PPIP5K1: variants seen among roughly 807,000 people sequenced by gnomAD.
PPIP5K1 encodes the protein inositol hexakisphosphate and diphosphoinositol-pentakisphosphate kinase 1.
Under a neutral mutation model 27.7 loss-of-function variants are expected in PPIP5K1, and 6 were observed. That is an observed-to-expected ratio of 0.22 (90% CI 0.12 to 0.43). The LOEUF (loss-of-function observed/expected upper bound fraction) is 0.43. Ranked by LOEUF, PPIP5K1 falls within the 20% of genes least tolerant of loss-of-function variation. The pLI is 1.00. For missense variants in PPIP5K1, 394 were observed against 635.4 expected (o/e 0.62, Z 4.08); for synonymous variants, 145 against 242.6 (o/e 0.60, Z 3.74).
chr15:43,538,235 AT>A (rs2080170510), intron 31 of PPIP5K1, among the ~76,000 whole-genome samples: 1 of 152,196 alleles, frequency 6.6e-6, no homozygotes, highest in African/African-American at 2.4e-5. Flanking sequence ...TGAAAGGCAT[AT>A]TTGATTTCAG....
intron 30 of PPIP5K1, among the ~76,000 whole-genome samples, chr15:43,554,660 C>CACAT (rs56332624): frequency 6.6e-6 from 1 of 151,312 alleles, no homozygotes; most frequent in African/African-American, 2.4e-5. Context: ...CACACACACA[C>CACAT]GCAGGCACGC....
At chr15:43,547,569 T>C (rs1223988656) in intron 30 of PPIP5K1, among the ~76,000 whole-genome samples, 2 of 152,244 alleles carry the variant, frequency 1.3e-5, no homozygotes, top group Admixed American at 6.5e-5. Context: ...TCTTTTGCAA[T>C]GTGAATACCT....
chr15:43,552,694 C>T (rs1406085737), intron 30 of PPIP5K1, among the ~76,000 whole-genome samples: 3 of 150,530 alleles, frequency 2.0e-5, no homozygotes, highest in African/African-American at 4.9e-5. Flanking sequence ...GAGTGAGACC[C>T]TGTCTCAAAA....
chr15:43,542,740 G>A (rs1402377092), intron 30 of PPIP5K1, among the ~76,000 whole-genome samples: 3 of 150,736 alleles, frequency 2.0e-5, no homozygotes, highest in Non-Finnish European at 4.4e-5. Context: ...GGAATGCAGT[G>A]ATGCTAGCAC....
chr15:43,551,918 G>A (rs892038128), intron 30 of PPIP5K1, among the ~76,000 whole-genome samples: 2 of 151,402 alleles, frequency 1.3e-5, no homozygotes. Flanking sequence ...TGCTTTTTGA[G>A]TTTAGTTTAC....
intron 30 of PPIP5K1, among the ~76,000 whole-genome samples, chr15:43,542,309 G>T (rs866576809): frequency 4.0e-5 from 6 of 151,190 alleles, no homozygotes; most frequent in East Asian, 1.9e-4. Context: ...GGCGGGGGGG[G>T]GGGGCAGAGT....
Position 43,534,342 on chromosome 15 carries a change from G to A in PPIP5K1, c.*332C>T. ...CTATTCAAGTCTAATGGCTAAGTGA[G>A]GAGCCAATGGCTTCTTCGAACCTAA... On this transcript the variant is annotated 3_prime_UTR_variant, in exon 32 of 32. Transcript: ENST00000420765. 2 of 212,024 alleles carry A rather than the reference G, an allele frequency of 9.4e-6. No homozygotes were observed. The highest frequency in any genetic ancestry group is 1.7e-4 in the South Asian group (1 of 5,870). 13.1% of individuals were successfully genotyped at this position (212,024 alleles called of 1,614,324 possible).
chr15:43,542,697 T>TGTGTGTGTGTGTG (rs1555423152), intron 30 of PPIP5K1, among the ~76,000 whole-genome samples: 2 of 148,312 alleles, frequency 1.3e-5, no homozygotes, highest in South Asian at 2.2e-4. Flanking sequence ...TGTGTGTGTG[T>TGTGTGTGTGTGTG]TTTAGAGACA....
intron 31 of PPIP5K1, among the ~76,000 whole-genome samples, chr15:43,537,072 C>T (rs2079958545): frequency 1.3e-5 from 2 of 151,878 alleles, no homozygotes; most frequent in African/African-American, 4.8e-5. Context: ...CACGGTGGCT[C>T]ATACTTGTAA....
intron 30 of PPIP5K1, among the ~76,000 whole-genome samples, chr15:43,546,579 T>A (rs969275680): frequency 6.7e-6 from 1 of 149,446 alleles, no homozygotes; most frequent in African/African-American, 2.5e-5. Flanking sequence ...GTGTGAGCCA[T>A]CATCCTCAGC....
Position 43,558,896 on chromosome 15 carries a change from G to T in PPIP5K1, c.3455C>A (p.Pro1152His). ...EGCSMVPTIYPLETLHNALSL... is the reference protein window; with the variant it reads ...EGCSMVPTIYHLETLHNALSL... ...AAGGGCATTATGCAGTGTTTCCAGA[G>T]GGTAGATGGTAGGCACCATGGAACA... Residue 1152 changes from proline to histidine, a missense_variant, in exon 30 of 32, where the codon CCT becomes CAT. Coordinates refer to ENST00000420765, the MANE Select transcript of PPIP5K1 (RefSeq NM_001394395.1). 1 of 1,613,788 alleles carries T rather than the reference G, an allele frequency of 6.2e-7. No individual in the cohort carries two copies. The highest frequency in any genetic ancestry group is 8.5e-7 in the Non-Finnish European group (1 of 1,179,960).
At chr15:43,554,258 A>G (rs562537296) in intron 30 of PPIP5K1, among the ~76,000 whole-genome samples, 1 of 152,286 alleles carries the variant, frequency 6.6e-6, no homozygotes, top group Admixed American at 6.5e-5. Flanking sequence ...GTATGTGTTT[A>G]TAATTGTTTT....
intron 30 of PPIP5K1, chr15:43,548,262 C>T (rs1432332083): frequency 6.6e-6 from 1 of 151,900 alleles, no homozygotes; most frequent in African/African-American, 2.4e-5. Flanking sequence ...CTGTGCCTGG[C>T]TATTTTTTTT....
chr15:43,567,392 A>ATTTTT (rs1438494718), intron 26 of PPIP5K1, among the ~76,000 whole-genome samples: 312 of 6,246 alleles, frequency 0.05, no homozygotes, highest in Middle Eastern at 0.071. Context: ...TGCTGGGATT[A>ATTTTT]TAGGCATGAG....
chr15:43,553,626 T>A (rs1305005400), intron 30 of PPIP5K1, among the ~76,000 whole-genome samples: 1 of 150,118 alleles, frequency 6.7e-6, no homozygotes, highest in Non-Finnish European at 1.5e-5. Flanking sequence ...TGCTGGGATT[T>A]CCTTACTAAT....
rs1327275342 is a variant in PPIP5K1, at chr15:43,534,174, G to A, written c.*500C>T. On this transcript the variant is annotated 3_prime_UTR_variant, in exon 32 of 32. Transcript: ENST00000420765. The stretch of plus-strand genomic sequence containing the variant: ...GTGAACATTTCCCCAGAAAAGTGAA[G>A]ACCCTAGAGTCCCCTCTTTTGCATT... 6.5e-6 allele frequency: 1 copy of A among 153,100 alleles called. No homozygotes were observed. The highest frequency in any genetic ancestry group is 1.5e-5 in the Non-Finnish European group (1 of 68,454). The allele number at this position is 153,100 out of a possible 1,614,324, so 9.5% of individuals were successfully genotyped here.
At chr15:43,540,523 C>T (rs1174283050) in intron 30 of PPIP5K1, among the ~76,000 whole-genome samples, 1 of 151,894 alleles carries the variant, frequency 6.6e-6, no homozygotes, top group African/African-American at 2.4e-5. Flanking sequence ...ATGGTGAAAC[C>T]CCGTCTCTAC....
chr15:43,535,000 G>C lies in PPIP5K1; in HGVS notation c.4147C>G (p.Gln1383Glu), dbSNP rs1396331252. 6.2e-7 allele frequency: 1 copy of C among 1,612,710 alleles called. No individual in the cohort carries two copies. The highest frequency in any genetic ancestry group is 1.3e-5 in the African/African-American group (1 of 74,512). The change falls in exon 32 of 32, where the codon CAG becomes GAG. Residue 1383 changes from glutamine (Q) to glutamate (E), a missense_variant. Gln to Glu is a conservative substitution (Grantham distance 29). Coordinates refer to ENST00000420765, the MANE Select transcript of PPIP5K1 (RefSeq NM_001394395.1). ...LCQKVSEEVC[Q>E]LCLENSEEVS... ...TCCTCGGAGTTCTCCAGACATAGCT[G>C]GCAAACTTCCTCAGAGACTTTCTGG...
intron 30 of PPIP5K1, among the ~76,000 whole-genome samples, chr15:43,551,653 A>G (rs1001087667): frequency 5.5e-5 from 6 of 108,214 alleles, no homozygotes; most frequent in Admixed American, 1.0e-4. Context: ...CCCAGGCTGG[A>G]GTGCAGTGGC....
Sources: allele counts gnomAD v4.1 joint callset (sites outside exome capture counted in the v4.1 genomes callset), GRCh38; gene constraint gnomAD v4.1.1; transcripts MANE v1.5; gene names NCBI Gene and HGNC (gene_info 2026-07-23, HGNC 2026-07-21).